The following PRKAR1B variants were observed in gnomAD, a reference collection of about 807,000 sequenced individuals.
The protein encoded by PRKAR1B is protein kinase cAMP-dependent type I regulatory subunit beta, also known as cAMP-dependent protein kinase type I-beta regulatory subunit.
In PRKAR1B, 22 loss-of-function variants were observed where a neutral mutation model predicts 46.5. The observed-to-expected ratio is 0.47, with a 90% CI of 0.34 to 0.68. PRKAR1B has a LOEUF of 0.68. Ranked by LOEUF, PRKAR1B falls within the 30% of genes least tolerant of loss-of-function variation. The pLI is 0.01. For synonymous variants in PRKAR1B, 259 were observed against 217.7 expected (o/e 1.19, Z -1.67); for missense variants, 445 against 535.6 (o/e 0.83, Z 1.67).
chr7:587,331 C>T (rs1161075784), intron 7 of PRKAR1B, among the ~76,000 whole-genome samples: 1 of 152,166 alleles, frequency 6.6e-6, no homozygotes, highest in Non-Finnish European at 1.5e-5. Flanking sequence ...ACTGAGTGCC[C>T]TGGACAGGGG....
intron 8 of PRKAR1B, among the ~76,000 whole-genome samples, chr7:583,846 T>A (rs1780444094): frequency 6.6e-6 from 1 of 151,294 alleles, no homozygotes; most frequent in South Asian, 2.1e-4. Context: ...ATGTGCACAC[T>A]CACCCCCACA....
intron 4 of PRKAR1B, among the ~76,000 whole-genome samples, chr7:647,633 C>T (rs1178852502): frequency 2.0e-5 from 3 of 151,602 alleles, no homozygotes; most frequent in East Asian, 1.9e-4. Context: ...AGTGAAACCC[C>T]GTCTCTACTA....
chr7:728,321 T>C (rs948201072), upstream of PRKAR1B, among the ~76,000 whole-genome samples: 19 of 152,326 alleles, frequency 1.2e-4, no homozygotes, highest in African/African-American at 4.1e-4. Flanking sequence ...GTGAGGGATC[T>C]GGCCAGCTCA....
chr7:669,637 A>G (rs1385454792), intron 4 of PRKAR1B, among the ~76,000 whole-genome samples: 2 of 149,814 alleles, frequency 1.3e-5, no homozygotes, highest in Non-Finnish European at 3.0e-5. Flanking sequence ...GGTGGCGCAC[A>G]CCTGTAATCT....
At chr7:645,246 C>T (rs954519039) in intron 4 of PRKAR1B, among the ~76,000 whole-genome samples, 1 of 152,216 alleles carries the variant, frequency 6.6e-6, no homozygotes, top group East Asian at 1.9e-4. Context: ...CAGAGAGAGC[C>T]GAAGACGCGG....
intron 6 of PRKAR1B, among the ~76,000 whole-genome samples, chr7:604,326 C>T (rs1303917861): frequency 1.3e-5 from 2 of 152,224 alleles, no homozygotes; most frequent in African/African-American, 2.4e-5. Context: ...GGTTGACCCG[C>T]CAGTGCCGCC....
intron 1 of PRKAR1B, among the ~76,000 whole-genome samples, chr7:722,656 G>A (rs1781115832): frequency 6.6e-6 from 1 of 152,288 alleles, no homozygotes; most frequent in Admixed American, 6.5e-5. Flanking sequence ...ACAGGCGTGA[G>A]CCACCGCGCC....
intron 6 of PRKAR1B, among the ~76,000 whole-genome samples, chr7:603,802 C>A (rs1378049860): frequency 2.1e-5 from 3 of 144,864 alleles, no homozygotes; most frequent in African/African-American, 7.8e-5. Context: ...GGAGGTGACA[C>A]CAGGACCCAG....
In PRKAR1B at chr7:666,429, G is replaced by A. The variant is rs914496173; in HGVS notation, c.440+10800C>T. Among the ~76,000 whole-genome samples the A allele has an allele frequency of 5.3e-5, 8 of 152,274 alleles. No individual in the cohort carries two copies. The highest frequency in any genetic ancestry group is 7.4e-5 in the Non-Finnish European group (5 of 68,020). ...GCCCCGGGCACCCCAGGTAGGATGC[G>A]GAATCTGCTTCGCTCCAATAGCTGA... On this transcript the variant is annotated intron_variant, in intron 4 of 10. Coordinates refer to ENST00000537384, the MANE Select transcript of PRKAR1B (RefSeq NM_001164760.2). This position sits in a 1 kb window ranked among gnomAD's most constrained non-coding sequence, Gnocchi z 4.9.
At chr7:728,357 T>C (rs543097119), upstream of PRKAR1B, among the ~76,000 whole-genome samples, 3 of 152,322 alleles carry the variant, frequency 2.0e-5, no homozygotes, top group African/African-American at 7.2e-5. Flanking sequence ...GTCCCAGTGA[T>C]GGTCTGAATG....
rs368619497 is a variant in PRKAR1B at position 628,186 on chromosome 7, T to C, written c.441-20734A>G. Among the ~76,000 whole-genome samples the C allele has an allele frequency of 3.3e-3, 510 of 152,352 alleles. 5 individuals carry two copies. The highest frequency in any genetic ancestry group is 0.011 in the African/African-American group (468 of 41,582). On this transcript the variant is annotated intron_variant, in intron 4 of 10. Coordinates refer to ENST00000537384, the MANE Select transcript of PRKAR1B (RefSeq NM_001164760.2). ...CCCTGGGGCAGCAAACAGGTTTTGC[T>C]ATTTGCTCAACCAGACTCAGCGATG... is the stretch of plus-strand genomic sequence containing the variant.
intron 9 of PRKAR1B, among the ~76,000 whole-genome samples, chr7:577,146 G>A (rs930679730): frequency 3.0e-4 from 45 of 150,280 alleles, no homozygotes; most frequent in African/African-American, 9.0e-4. Context: ...CTCCATCAGC[G>A]GCCCCAGCCG....
chr7:687,794 C>T (rs2128513079), intron 2 of PRKAR1B, among the ~76,000 whole-genome samples: 1 of 152,208 alleles, frequency 6.6e-6, no homozygotes, highest in South Asian at 2.1e-4. Context: ...TAAAATGCAG[C>T]CAGAAAAAAA....
chr7:640,496 C>G lies in PRKAR1B; in HGVS notation c.441-33044G>C, dbSNP rs897347122. Among the ~76,000 whole-genome samples, 4 of 152,320 alleles carry G rather than the reference C, an allele frequency of 2.6e-5. No individual in the cohort carries two copies. The East Asian group carries it at 7.7e-4, about 29-fold the overall frequency. On this transcript the variant is annotated intron_variant, in intron 4 of 10. Coordinates refer to ENST00000537384, the MANE Select transcript of PRKAR1B (RefSeq NM_001164760.2). ...ACCACAAAGAGGCTGGGCGCGGTGG[C>G]TCACGCCTGTAATCCCAGCACTTCG...
intron 9 of PRKAR1B, among the ~76,000 whole-genome samples, chr7:568,493 CG>C (rs1483334295): frequency 6.6e-6 from 1 of 152,248 alleles, no homozygotes; most frequent in Non-Finnish European, 1.5e-5. Context: ...TGGCCCGCCC[CG>C]GGCATGCGGA....
intron 9 of PRKAR1B, among the ~76,000 whole-genome samples, chr7:553,731 T>TCA (rs35831733): frequency 0.17 from 26,236 of 152,184 alleles, 2,647 homozygotes; most frequent in African/African-American, 0.28. Context: ...CCCCACCTCA[T>TCA]CAGTCTGGGA....
intron 9 of PRKAR1B, among the ~76,000 whole-genome samples, chr7:562,958 C>T (rs1454473428): frequency 2.0e-5 from 3 of 152,234 alleles, no homozygotes; most frequent in South Asian, 4.1e-4. Context: ...GATGAACAGA[C>T]ATTGAGTCCT....
intron 7 of PRKAR1B, among the ~76,000 whole-genome samples, chr7:591,970 T>A (rs1365774666): frequency 6.6e-6 from 1 of 152,168 alleles, no homozygotes; most frequent in African/African-American, 2.4e-5. Flanking sequence ...GGCACCGCTG[T>A]GGAACCCAGC....
In PRKAR1B at chr7:550,214, T is replaced by A. The variant is rs1482253775; in HGVS notation, c.*216A>T. 6 of 568,828 alleles carry A rather than the reference T, an allele frequency of 1.1e-5. No homozygotes were observed. The highest frequency in any genetic ancestry group is 1.9e-5 in the Non-Finnish European group (6 of 318,296). 35.2% of individuals were successfully genotyped at this position (568,828 alleles called of 1,614,324 possible). On this transcript the variant is annotated 3_prime_UTR_variant, in exon 11 of 11. Transcript: ENST00000537384. ...AAGCTGGCCTGTCCCTTCCTTGATC[T>A]TGGGATGCATTTTGTCCGCTTGTCC... is the stretch of plus-strand genomic sequence containing the variant.
Sources: allele counts gnomAD v4.1 joint callset (sites outside exome capture counted in the v4.1 genomes callset), GRCh38; gene constraint gnomAD v4.1.1; non-coding constraint Gnocchi (gnomAD v3.1); transcripts MANE v1.5; gene names NCBI Gene and HGNC (gene_info 2026-07-23, HGNC 2026-07-21).